Variants in MRM3 observed in about 807,000 individuals in gnomAD.
MRM3 encodes the protein rRNA methyltransferase 3, mitochondrial.
Under a neutral mutation model 29.4 loss-of-function variants are expected in MRM3, and 26 were observed. The ratio of observed to expected loss-of-function variants is 0.89; its 90% CI spans 0.65 to 1.23. The LOEUF is 1.23. Among genes scored for constraint, MRM3 ranks in the 50% most tolerant of loss-of-function variants. The pLI, the probability that MRM3 is intolerant of heterozygous loss-of-function variation, is 0.00. For synonymous variants in MRM3, 225 were observed against 219.0 expected (o/e 1.03, Z -0.24); for missense variants, 578 against 540.2 (o/e 1.07, Z -0.69).
Position 791,694 on chromosome 17 carries a change from T to A in MRM3, c.888T>A (p.Ala296=). The change falls in exon 4 of 4, where the codon GCT becomes GCA. Residue 296 remains alanine (A), a synonymous_variant. Coordinates refer to ENST00000304478, the MANE Select transcript of MRM3 (RefSeq NM_018146.4). ...VADNCGLYAQ[A]EMSNKASDHG... ...ACAACTGTGGCCTTTATGCCCAGGCTGAGATGTCTAATAAAGCTAGTGACC... is the reference window on the plus strand; with the variant it reads ...ACAACTGTGGCCTTTATGCCCAGGCAGAGATGTCTAATAAAGCTAGTGACC... The A allele has an allele frequency of 6.2e-7, 1 of 1,613,476 alleles. No individual in the cohort carries two copies.
chr17:782,747 C>G, intron 1 of MRM3, 55 bp downstream of exon 1: 4 of 1,531,192 alleles, frequency 2.6e-6, no homozygotes, highest in Non-Finnish European at 3.5e-6. Context: ...CGTCGCACAG[C>G]GGAACCTTAA....
chr17:792,027 G>A lies in MRM3; in HGVS notation c.1221G>A (p.Arg407=). The A allele has an allele frequency of 6.2e-7, 1 of 1,612,972 alleles. No individual in the cohort carries two copies. The highest frequency in any genetic ancestry group is 8.5e-7 in the Non-Finnish European group (1 of 1,179,590). Residue 407 remains arginine (R), a synonymous_variant, in exon 4 of 4, where the codon CGG becomes CGA. Transcript: ENST00000304478. The part of the protein sequence containing the change: ...ILLFEGKRQL[R]GRAEDLSRDR... ...TTTTCGAAGGGAAAAGACAGCTGCG[G>A]GGGAGGGCGGAGGACTTGAGCAGGG...
chr17:783,974 T>G (rs1027163188), intron 2 of MRM3, among the ~76,000 whole-genome samples: 23 of 152,202 alleles, frequency 1.5e-4, no homozygotes. Context: ...TGGTGATAAC[T>G]GTCAATAAAC....
rs1405353089 is a variant in MRM3, at chr17:792,451, A to C, written c.*382A>C. The C allele has an allele frequency of 9.4e-6, 2 of 212,544 alleles. No individual in the cohort carries two copies. The highest frequency in any genetic ancestry group is 2.3e-4 in the East Asian group (2 of 8,626). The allele number at this position is 212,544 out of a possible 1,614,324, so 13.2% of individuals were successfully genotyped here. A position where few individuals can be genotyped will look rare whatever the true frequency, so the allele number is the denominator to read the frequency against. ...AGCACCAGCTATAGGTCACAGCCAC[A>C]TCACTCACAGCTGATCACTGGTTGG... On this transcript the variant is annotated 3_prime_UTR_variant, in exon 4 of 4. Coordinates refer to ENST00000304478, the MANE Select transcript of MRM3 (RefSeq NM_018146.4).
intron 2 of MRM3, among the ~76,000 whole-genome samples, chr17:784,702 C>A (rs1910450145): frequency 6.6e-6 from 1 of 152,190 alleles, no homozygotes. Context: ...TAGGAACTGG[C>A]AGCACCTGTC....
At chr17:789,078 G>A (rs577138333) in intron 3 of MRM3, among the ~76,000 whole-genome samples, 1 of 152,296 alleles carries the variant, frequency 6.6e-6, no homozygotes, top group African/African-American at 2.4e-5. Context: ...TCCTGCCTCG[G>A]CCTGTCAAAG....
intron 2 of MRM3, among the ~76,000 whole-genome samples, chr17:785,862 T>G (rs1910507905): frequency 6.6e-6 from 1 of 152,222 alleles, no homozygotes. Context: ...TATAAACTAT[T>G]TTTTAAAAGC....
Position 783,289 on chromosome 17 carries a change from A to C in MRM3, c.521A>C (p.Lys174Thr), listed in dbSNP as rs1028870603. Residue 174 changes from lysine to threonine, a missense_variant, in exon 2 of 4, where the codon AAG becomes ACG. Lys to Thr is a moderately conservative substitution (Grantham distance 78). Transcript: ENST00000304478. The stretch of plus-strand genomic sequence containing the variant: ...ATTAAGGTGAAATTTGAGGATATCA[A>C]GGATTGGTCCGACCTCGTAACGCCA... ...SLIKVKFEDI[K>T]DWSDLVTPQG... is the part of the protein sequence containing the mutation. 1.2e-6 allele frequency: 2 copies of C among 1,613,756 alleles called. No homozygotes were observed. Among genetic ancestry groups the C allele is most frequent in the Non-Finnish European group, 1.7e-6 (2 of 1,179,902 alleles).
chr17:791,724 CTGGG>C lies in MRM3; in HGVS notation c.921_924del (p.Trp307CysfsTer6). On this transcript the variant is annotated frameshift_variant, in exon 4 of 4. Transcript: ENST00000304478. LOFTEE classifies it high-confidence loss of function. Reference sequence around the variant, plus strand: ...TGTCTAATAAAGCTAGTGACCATGGCTGGGTGTGTGATCAACGAGTGATGAAGTT... The same window carrying C: ...TGTCTAATAAAGCTAGTGACCATGGCTGTGTGATCAACGAGTGATGAAGTT... 6.2e-7 allele frequency: 1 copy of C among 1,614,184 alleles called. No homozygotes were observed. Among genetic ancestry groups the C allele is most frequent in the Non-Finnish European group, 8.5e-7 (1 of 1,180,042 alleles).
rs1435180786 is a variant in MRM3, at chr17:787,651, C to T, written c.560-314C>T. On this transcript the variant is annotated intron_variant, in intron 2 of 3. Coordinates refer to ENST00000304478, the MANE Select transcript of MRM3 (RefSeq NM_018146.4). The surrounding 1 kb of genome is among the most constrained non-coding windows in gnomAD (Gnocchi z 4.1). ...ACAACCTCCACCTCCCAGATTCAAG[C>T]GATTCTCCTGCCTCAGCCTCCCAGG... Among the ~76,000 whole-genome samples the T allele has an allele frequency of 1.3e-5, 2 of 152,058 alleles. No individual in the cohort carries two copies. The highest frequency in any genetic ancestry group is 2.4e-5 in the African/African-American group (1 of 41,394).
chr17:791,943 G>A lies in MRM3; in HGVS notation c.1137G>A (p.Leu379=), dbSNP rs768470129. ...AGAGCACTGGTGGCAAGAGGCTGCT[G>A]ATCCCCGTTGTGCCTGGTGTGGACA... ...LAESTGGKRL[L]IPVVPGVDSL... is the part of the protein sequence containing the mutation. The change falls in exon 4 of 4, where the codon CTG becomes CTA. Residue 379 remains leucine (L), a synonymous_variant. Coordinates refer to ENST00000304478, the MANE Select transcript of MRM3 (RefSeq NM_018146.4). 6 of 1,614,048 alleles carry A rather than the reference G, an allele frequency of 3.7e-6. No homozygotes were observed. In the East Asian group the frequency reaches 1.3e-4, roughly 36 times the overall value.
chr17:792,124 C>G lies in MRM3; in HGVS notation c.*55C>G, dbSNP rs567306519. 1 of 1,502,522 alleles carries G rather than the reference C, an allele frequency of 6.7e-7. No individual in the cohort carries two copies. Among genetic ancestry groups the G allele is most frequent in the South Asian group, 1.3e-5 (1 of 77,092 alleles). The allele number at this position is 1,502,522 out of a possible 1,614,324, so 93.1% of individuals were successfully genotyped here. A position where few individuals can be genotyped will look rare whatever the true frequency, so the allele number is the denominator to read the frequency against. On this transcript the variant is annotated 3_prime_UTR_variant, in exon 4 of 4. Coordinates refer to ENST00000304478, the MANE Select transcript of MRM3 (RefSeq NM_018146.4). ...GTCTGCAGCTCCTCCTACACCAGCA[C>G]ACTGGTGGGAGGCTGGCGGAGTCAG...
intron 3 of MRM3, among the ~76,000 whole-genome samples, chr17:788,648 C>G (rs1910652205): frequency 6.6e-6 from 1 of 152,134 alleles, no homozygotes; most frequent in Non-Finnish European, 1.5e-5. Context: ...AGCTATGGCT[C>G]TGGGCAGGCA....
chr17:783,908 A>G (rs2144515657), intron 2 of MRM3, among the ~76,000 whole-genome samples: 1 of 152,300 alleles, frequency 6.6e-6, no homozygotes, highest in East Asian at 1.9e-4. Flanking sequence ...ATTAAAAATT[A>G]AGAAAGCGTT....
At position 783,221 on chromosome 17, in the gene MRM3, C is replaced by T. The variant is rs752041872; in HGVS notation, c.453C>T (p.Tyr151=). 2 of 1,614,078 alleles carry T rather than the reference C, an allele frequency of 1.2e-6. No homozygotes were observed. Among genetic ancestry groups the T allele is most frequent in the Admixed American group, 1.7e-5 (1 of 60,008 alleles). ...PKMFFFSRLE[Y]LKELPVDKLK... Reference sequence around the variant, plus strand: ...TGTTCTTCTTTAGCCGTCTAGAATACCTAAAGGAGTTGCCAGTCGATAAGC... The same window carrying T: ...TGTTCTTCTTTAGCCGTCTAGAATATCTAAAGGAGTTGCCAGTCGATAAGC... Residue 151 remains tyrosine, a synonymous_variant, in exon 2 of 4, where the codon TAC becomes TAT. Coordinates refer to ENST00000304478, the MANE Select transcript of MRM3 (RefSeq NM_018146.4).
At chr17:784,391 A>ACAGC (rs1217175287) in intron 2 of MRM3, among the ~76,000 whole-genome samples, 1 of 152,204 alleles carries the variant, frequency 6.6e-6, no homozygotes, top group African/African-American at 2.4e-5. Flanking sequence ...CTCACTAGCT[A>ACAGC]CAGCCCTCTA....
Position 791,139 on chromosome 17 carries a change from C to T in MRM3, c.728-395C>T, listed in dbSNP as rs1228576242. ...TGGTCTTTTAGATGGTTTTCCTCAT[C>T]GCCCTGCTTTGTCCGTGGGTTTTCT... On this transcript the variant is annotated intron_variant, in intron 3 of 3. Coordinates refer to ENST00000304478, the MANE Select transcript of MRM3 (RefSeq NM_018146.4). Among the ~76,000 whole-genome samples, 6 of 152,154 alleles carry T rather than the reference C, an allele frequency of 3.9e-5. No individual in the cohort carries two copies. In the East Asian group the frequency reaches 7.7e-4, roughly 20 times the overall value.
rs950289960 is a variant in MRM3 at position 787,473 on chromosome 17, G to T, written c.560-492G>T. Among the ~76,000 whole-genome samples the T allele has an allele frequency of 2.0e-5, 3 of 152,182 alleles. No individual in the cohort carries two copies. The highest frequency in any genetic ancestry group is 6.5e-5 in the Admixed American group (1 of 15,280). Reference sequence around the variant, plus strand: ...ATACACTCCAAAACAGAACAGTTGAGGGGGAGGAGAGTGGTACTGGTAGAA... The same window carrying T: ...ATACACTCCAAAACAGAACAGTTGATGGGGAGGAGAGTGGTACTGGTAGAA... On this transcript the variant is annotated intron_variant, in intron 2 of 3. Coordinates refer to ENST00000304478, the MANE Select transcript of MRM3 (RefSeq NM_018146.4). This position sits in a 1 kb window ranked among gnomAD's most constrained non-coding sequence, Gnocchi z 4.1.
At chr17:785,949 GCAGT>G (rs1382271255) in intron 2 of MRM3, among the ~76,000 whole-genome samples, 1 of 152,190 alleles carries the variant, frequency 6.6e-6, no homozygotes, top group Non-Finnish European at 1.5e-5. Flanking sequence ...GAAGAAGATC[GCAGT>G]CAGTCAGTAA....
Sources: gnomAD v4.1 joint callset for allele counts (sites outside exome capture counted in the v4.1 genomes callset) on GRCh38, gnomAD v4.1.1 for gene constraint, Gnocchi (gnomAD v3.1) non-coding constraint, MANE v1.5 for transcripts, NCBI Gene and HGNC (gene_info 2026-07-23, HGNC 2026-07-21) for gene names.